The following DPY19L2 variants were observed in gnomAD, a reference collection of about 807,000 sequenced individuals.
The protein encoded by DPY19L2 is probable C-mannosyltransferase DPY19L2.
In DPY19L2, 34 loss-of-function variants were observed where a neutral mutation model predicts 97.9. The ratio of observed to expected loss-of-function variants is 0.35; its 90% confidence interval spans 0.26 to 0.46. The LOEUF (loss-of-function observed/expected upper bound fraction) is 0.46. DPY19L2 is among the 20% of genes least tolerant of loss of function. The pLI is 1.00. For synonymous variants in DPY19L2, 230 were observed against 307.9 expected, an observed-to-expected ratio of 0.75 and a Z score of 2.65; for missense variants, 623 against 911.4, an observed-to-expected ratio of 0.68 and a Z score of 4.07.
intron 16 of DPY19L2, among the ~76,000 whole-genome samples, chr12:63,592,967 A>G (rs1883409540): frequency 6.6e-6 from 1 of 151,506 alleles, no homozygotes; most frequent in African/African-American, 2.4e-5. Flanking sequence ...ACCCCATCAA[A>G]AAGTGGGTGA....
intron 6 of DPY19L2, among the ~76,000 whole-genome samples, chr12:63,637,183 C>T (rs1169330556): frequency 1.3e-5 from 2 of 152,140 alleles, no homozygotes; most frequent in Admixed American, 6.6e-5. Context: ...TCCTGAATGA[C>T]TACTGGGTAC....
intron 13 of DPY19L2, among the ~76,000 whole-genome samples, chr12:63,598,214 G>A (rs1884576831): frequency 6.6e-6 from 1 of 152,008 alleles, no homozygotes; most frequent in Non-Finnish European, 1.5e-5. Context: ...AAACCACCAT[G>A]TAGTTAATTA....
chr12:63,620,491 G>T (rs1302648477), intron 9 of DPY19L2, among the ~76,000 whole-genome samples: 1 of 152,108 alleles, frequency 6.6e-6, no homozygotes, highest in Non-Finnish European at 1.5e-5. Flanking sequence ...AATAACATTT[G>T]TGAATAAAAA....
At chr12:63,579,803 T>C (rs995180483) in intron 19 of DPY19L2, among the ~76,000 whole-genome samples, 1 of 152,056 alleles carries the variant, frequency 6.6e-6, no homozygotes, top group African/African-American at 2.4e-5. Flanking sequence ...AGACCAAGTA[T>C]CTTACTTAAA....
At chr12:63,597,751 A>T in intron 14 of DPY19L2, 58 bp downstream of exon 14, 1 of 1,499,566 alleles carries the variant, frequency 6.7e-7, no homozygotes. Context: ...TTCAGATTTT[A>T]AAAAACCTAG....
intron 4 of DPY19L2, among the ~76,000 whole-genome samples, chr12:63,655,340 T>C (rs1224035250): frequency 6.6e-6 from 1 of 152,176 alleles, no homozygotes; most frequent in African/African-American, 2.4e-5. Context: ...AGGATACAGA[T>C]AAACCAAATT....
intron 6 of DPY19L2, among the ~76,000 whole-genome samples, chr12:63,632,195 T>G (rs1040177089): frequency 3.9e-5 from 6 of 152,010 alleles, no homozygotes; most frequent in African/African-American, 1.4e-4. Flanking sequence ...ATACAACATA[T>G]TGTTGGATGT....
intron 16 of DPY19L2, among the ~76,000 whole-genome samples, chr12:63,588,792 C>T (rs1882287728): frequency 1.5e-5 from 2 of 137,276 alleles, no homozygotes; most frequent in South Asian, 2.3e-4. Flanking sequence ...CTCACTCTGT[C>T]GCCCAGGCTG....
At chr12:63,598,586 C>T (rs1010628584) in intron 13 of DPY19L2, among the ~76,000 whole-genome samples, 1 of 151,946 alleles carries the variant, frequency 6.6e-6, no homozygotes, top group Non-Finnish European at 1.5e-5. Flanking sequence ...CCTCAGAAGT[C>T]CAGAAAAAGG....
Position 63,589,357 on chromosome 12 carries a change from C to CA in DPY19L2, c.1580+4729dup, listed in dbSNP as rs71086687. ...AATGTGGCTAGATAAAAATGTGTTGCAAAAAAAAAAAAAAAAAAAAAAAAA... is the reference window on the plus strand; with the variant it reads ...AATGTGGCTAGATAAAAATGTGTTGCAAAAAAAAAAAAAAAAAAAAAAAAAA... On this transcript the variant is annotated intron_variant, in intron 16 of 21. Coordinates refer to ENST00000324472, the MANE Select transcript of DPY19L2 (RefSeq NM_173812.5). Among the ~76,000 whole-genome samples the CA allele has an allele frequency of 9.4e-3, 179 of 18,950 alleles. 23 individuals carry two copies. Among genetic ancestry groups the CA allele is most frequent in the Non-Finnish European group, 0.015 (143 of 9,490 alleles). The allele number at this position is 18,950 out of a possible 152,430, so 12.4% of individuals were successfully genotyped here. A position where few individuals can be genotyped will look rare whatever the true frequency, so the allele number is the denominator to read the frequency against.
chr12:63,581,445 GTAT>G (rs1262630970), intron 18 of DPY19L2, among the ~76,000 whole-genome samples: 28 of 145,338 alleles, frequency 1.9e-4, no homozygotes, highest in Non-Finnish European at 7.5e-5. Context: ...TATTGGATGA[GTAT>G]TTCAGGGTAC....
At chr12:63,570,948 G>C (rs1175457336) in intron 19 of DPY19L2, 91 bp from the exon 20 acceptor site, 1 of 1,290,696 alleles carries the variant, frequency 7.7e-7, no homozygotes, top group African/African-American at 1.5e-5. Flanking sequence ...CCCAAATTAA[G>C]AAGGATGATG....
chr12:63,668,460 A>C lies in DPY19L2; in HGVS notation c.-67T>G. The C allele has an allele frequency of 6.9e-7, 1 of 1,451,446 alleles. No homozygotes were observed. The highest frequency in any genetic ancestry group is 9.1e-7 in the Non-Finnish European group (1 of 1,094,606). The allele number at this position is 1,451,446 out of a possible 1,614,324, so 89.9% of individuals were successfully genotyped here. A position where few individuals can be genotyped will look rare whatever the true frequency, so the allele number is the denominator to read the frequency against. ...CCCAGCCGAGTCAGGCGAGGTCCAG[A>C]GAGACCTGACTCGCCTGGCAGCCTC... On this transcript the variant is annotated 5_prime_UTR_variant, in exon 1 of 22. Transcript: ENST00000324472.
chr12:63,651,800 T>C, intron 4 of DPY19L2: 3 of 315,926 alleles, frequency 9.5e-6, no homozygotes, highest in Non-Finnish European at 6.4e-6. Flanking sequence ...AGGACCCCGG[T>C]GTCCTTGACC....
chr12:63,667,643 T>C (rs1039089981), intron 1 of DPY19L2, among the ~76,000 whole-genome samples: 1 of 152,154 alleles, frequency 6.6e-6, no homozygotes, highest in African/African-American at 2.4e-5. Flanking sequence ...CTCACTTTTC[T>C]ACTCCCTGCC....
chr12:63,636,877 G>A (rs535614292), intron 6 of DPY19L2, among the ~76,000 whole-genome samples: 11 of 152,058 alleles, frequency 7.2e-5, no homozygotes, highest in African/African-American at 1.4e-4. Context: ...ACAGATCAAC[G>A]AGACAGAAAG....
At chr12:63,621,905 C>A (rs1221406282) in intron 8 of DPY19L2, among the ~76,000 whole-genome samples, 1 of 151,924 alleles carries the variant, frequency 6.6e-6, no homozygotes, top group Non-Finnish European at 1.5e-5. Flanking sequence ...TATTGGGAAC[C>A]AATACCTTTT....
In DPY19L2 at chr12:63,668,389, C is replaced by G. The variant is rs1336512335; in HGVS notation, c.5G>C (p.Arg2Thr). The G allele has an allele frequency of 1.2e-6, 2 of 1,609,416 alleles. No homozygotes were observed. Among genetic ancestry groups the G allele is most frequent in the Non-Finnish European group, 1.7e-6 (2 of 1,178,130 alleles). M[R>T]KQGVSSKRLQ... ...CCGCTTTGAGCTTACTCCTTGTTTT[C>G]TCATAATCAAGGAGTATGGTGGAGC... Residue 2 changes from arginine to threonine, a missense_variant, in exon 1 of 22, where the codon AGA becomes ACA. This residue lies in a region of DPY19L2 where 144 missense variants were observed against 119.4 expected (regional missense o/e 1.21). Transcript: ENST00000324472.
rs1876064998 is a variant in DPY19L2, at chr12:63,559,278, A to AT, written c.*1233dup. 1 of 152,206 alleles carries AT rather than the reference A, an allele frequency of 6.6e-6. No homozygotes were observed. Among genetic ancestry groups the AT allele is most frequent in the African/African-American group, 2.4e-5 (1 of 41,456 alleles). The allele number at this position is 152,206 out of a possible 1,614,324, so 9.4% of individuals were successfully genotyped here. ...TGCTGCATATAGCTGCCTGTCTACTATAAGAGAACTAATCCATAAAATTAA... is the reference window on the plus strand; with the variant it reads ...TGCTGCATATAGCTGCCTGTCTACTATTAAGAGAACTAATCCATAAAATTAA... On this transcript the variant is annotated 3_prime_UTR_variant, in exon 22 of 22. Transcript: ENST00000324472.
Sources: gnomAD v4.1 joint callset for allele counts (sites outside exome capture counted in the v4.1 genomes callset) on GRCh38, gnomAD v4.1.1 for gene constraint, gnomAD v4.1.1 regional missense constraint, MANE v1.5 for transcripts, NCBI Gene and HGNC (gene_info 2026-07-23, HGNC 2026-07-21) for gene names.